SEMA6D: variants seen among roughly 807,000 people sequenced by gnomAD.
SEMA6D encodes the protein semaphorin-6D.
SEMA6D carries 35 observed loss-of-function variants against 106.6 expected under a neutral mutation model. The observed-to-expected ratio is 0.33, with a 90% CI of 0.25 to 0.44. SEMA6D has a LOEUF of 0.44. Among genes scored for constraint, SEMA6D ranks in the 20% least tolerant of loss-of-function variants. The probability of loss-of-function intolerance (pLI) is 1.00; values close to 1 mark genes in which losing one functional copy is unlikely to be tolerated. For missense variants in SEMA6D, 1,185 were observed against 1,345.9 expected, an observed-to-expected ratio of 0.88 and a Z score of 1.87; for synonymous variants, 499 against 487.7, an observed-to-expected ratio of 1.02 and a Z score of -0.31.
At chr15:47,693,872 A>G (rs1186156794) in intron 4 of SEMA6D, among the ~76,000 whole-genome samples, 2 of 152,036 alleles carry the variant, frequency 1.3e-5, no homozygotes, top group East Asian at 3.9e-4. Flanking sequence ...TGAGCCCAAG[A>G]GTTAGATATT....
At chr15:47,545,686 A>G (rs961244491) in intron 3 of SEMA6D, among the ~76,000 whole-genome samples, 5 of 152,144 alleles carry the variant, frequency 3.3e-5, no homozygotes, top group African/African-American at 1.2e-4. Flanking sequence ...ACTCAAATAT[A>G]TGCGTTTCCC....
At chr15:47,262,745 T>C (rs1219886737) in intron 1 of SEMA6D, among the ~76,000 whole-genome samples, 1 of 151,854 alleles carries the variant, frequency 6.6e-6, no homozygotes, top group African/African-American at 2.4e-5. Context: ...GCCAAGACAA[T>C]CCTAAGCAAA....
At chr15:47,651,895 T>A (rs1032187337) in intron 4 of SEMA6D, among the ~76,000 whole-genome samples, 2 of 152,244 alleles carry the variant, frequency 1.3e-5, no homozygotes, top group African/African-American at 4.8e-5. Flanking sequence ...CACTCCCTTA[T>A]GCTTTACAAC....
intron 2 of SEMA6D, among the ~76,000 whole-genome samples, chr15:47,430,745 C>G (rs2041496539): frequency 6.6e-6 from 1 of 152,072 alleles, no homozygotes; most frequent in East Asian, 1.9e-4. Context: ...AAAGTCCAGG[C>G]GTCATCTCAT....
At chr15:47,592,766 T>C (rs1203527742) in intron 3 of SEMA6D, among the ~76,000 whole-genome samples, 1 of 152,200 alleles carries the variant, frequency 6.6e-6, no homozygotes, top group Admixed American at 6.5e-5. Flanking sequence ...AATTGACAAA[T>C]GAATTCTAAC....
intron 1 of SEMA6D, among the ~76,000 whole-genome samples, chr15:47,228,440 G>C (rs1333793115): frequency 6.7e-6 from 1 of 149,634 alleles, no homozygotes; most frequent in Non-Finnish European, 1.5e-5. Context: ...TTAAATGATA[G>C]CTCTGTCCCA....
chr15:47,309,526 G>T (rs1380665630), intron 1 of SEMA6D, among the ~76,000 whole-genome samples: 1 of 152,148 alleles, frequency 6.6e-6, no homozygotes, highest in African/African-American at 2.4e-5. Context: ...GCCATAAAGT[G>T]CTTCCTTTAT....
At chr15:47,337,575 G>T (rs148642248) in intron 1 of SEMA6D, among the ~76,000 whole-genome samples, 159 of 152,270 alleles carry the variant, frequency 1.0e-3, no homozygotes, top group African/African-American at 3.7e-3. Flanking sequence ...TCAGACCAAA[G>T]AAAACACCAT....
At chr15:47,287,048 C>A (rs1430399106) in intron 1 of SEMA6D, among the ~76,000 whole-genome samples, 1 of 152,130 alleles carries the variant, frequency 6.6e-6, no homozygotes, top group Non-Finnish European at 1.5e-5. Context: ...ATGAGCAGGG[C>A]CATGTGAGTT....
At chr15:47,755,255 T>C (rs1479803040) in intron 1 of SEMA6D, among the ~76,000 whole-genome samples, 1 of 152,166 alleles carries the variant, frequency 6.6e-6, no homozygotes. Context: ...TGTTGTTGAA[T>C]TTTTATTAAA....
chr15:47,624,985 A>G (rs1210995172), intron 4 of SEMA6D, among the ~76,000 whole-genome samples: 3 of 152,354 alleles, frequency 2.0e-5, no homozygotes, highest in East Asian at 1.9e-4. Flanking sequence ...CTGTTTTCCA[A>G]TTAACAACAT....
intron 1 of SEMA6D, among the ~76,000 whole-genome samples, chr15:47,194,351 GAGTT>G (rs1296512459): frequency 1.3e-5 from 2 of 152,124 alleles, no homozygotes; most frequent in Non-Finnish European, 2.9e-5. Context: ...CATTTTGAAA[GAGTT>G]AGAGAGTTTG....
At chr15:47,769,255 G>A (rs1339288988) in intron 18 of SEMA6D, among the ~76,000 whole-genome samples, 1 of 152,052 alleles carries the variant, frequency 6.6e-6, no homozygotes, top group African/African-American at 2.4e-5. Flanking sequence ...TTTTCAGCCC[G>A]TAATAGGAGC....
chr15:47,546,600 A>C (rs1452732491), intron 3 of SEMA6D, among the ~76,000 whole-genome samples: 1 of 152,096 alleles, frequency 6.6e-6, no homozygotes, highest in Non-Finnish European at 1.5e-5. Flanking sequence ...TAGATGACCT[A>C]GAAAATAATG....
At chr15:47,369,536 A>T (rs2039192065) in intron 1 of SEMA6D, among the ~76,000 whole-genome samples, 1 of 152,236 alleles carries the variant, frequency 6.6e-6, no homozygotes, top group African/African-American at 2.4e-5. Flanking sequence ...AAAATTCAAA[A>T]GTAATGATTC....
intron 4 of SEMA6D, among the ~76,000 whole-genome samples, chr15:47,696,792 C>T (rs1283508137): frequency 6.6e-6 from 1 of 152,160 alleles, no homozygotes; most frequent in East Asian, 1.9e-4. Flanking sequence ...CTGCACAGTT[C>T]ATAGATGTAG....
intron 2 of SEMA6D, among the ~76,000 whole-genome samples, chr15:47,468,411 G>T (rs1436872775): frequency 6.6e-6 from 1 of 152,124 alleles, no homozygotes; most frequent in Non-Finnish European, 1.5e-5. Context: ...AGGCAATGAG[G>T]AGCAAGAATT....
intron 1 of SEMA6D, among the ~76,000 whole-genome samples, chr15:47,273,084 A>G (rs1370300933): frequency 1.3e-5 from 2 of 151,968 alleles, no homozygotes; most frequent in Admixed American, 6.6e-5. Flanking sequence ...AGTTTATTCT[A>G]TTTGTGCTAT....
chr15:47,726,760 A>G (rs2079782179), intron 1 of SEMA6D, among the ~76,000 whole-genome samples: 1 of 152,244 alleles, frequency 6.6e-6, no homozygotes, highest in African/African-American at 2.4e-5. Flanking sequence ...TGCTATAAAT[A>G]TATCAGTGTC....
Sources: allele counts gnomAD v4.1 joint callset (sites outside exome capture counted in the v4.1 genomes callset), GRCh38; gene constraint gnomAD v4.1.1; transcripts MANE v1.5; gene names NCBI Gene and HGNC (gene_info 2026-07-23, HGNC 2026-07-21).